The following PEAK1 variants were observed in gnomAD, a reference collection of about 807,000 sequenced individuals.
The protein encoded by PEAK1 is inactive tyrosine-protein kinase PEAK1.
PEAK1 carries 54 observed loss-of-function variants against 124.7 expected under a neutral mutation model. That is an observed-to-expected ratio of 0.43 (90% CI 0.35 to 0.54). The LOEUF is 0.54. Ranked by LOEUF, PEAK1 falls within the 20% of genes least tolerant of loss-of-function variation. The probability of loss-of-function intolerance (pLI) is 0.01; values close to 1 mark genes in which losing one functional copy is unlikely to be tolerated. For missense variants in PEAK1, 2,046 were observed against 2,134.5 expected (o/e 0.96, Z 0.82); for synonymous variants, 719 against 760.0 (o/e 0.95, Z 0.89).
chr15:77,291,909 G>A (rs1447283601), intron 2 of PEAK1, among the ~76,000 whole-genome samples: 1 of 151,384 alleles, frequency 6.6e-6, no homozygotes, highest in Non-Finnish European at 1.5e-5. Context: ...CCCAGGAGGC[G>A]GAGCTTGCAG....
intron 1 of PEAK1, chr15:77,418,627 G>A: frequency 2.0e-6 from 2 of 985,318 alleles, no homozygotes; most frequent in Non-Finnish European, 2.4e-6. Flanking sequence ...AGGCAAGTCA[G>A]AAAGTAATTA....
At position 77,181,244 on chromosome 15, in the gene PEAK1, G is replaced by A; in HGVS notation, c.683C>T (p.Pro228Leu). The A allele has an allele frequency of 6.2e-7, 1 of 1,613,832 alleles. No individual in the cohort carries two copies. Among genetic ancestry groups the A allele is most frequent in the Non-Finnish European group, 8.5e-7 (1 of 1,180,000 alleles). The change falls in exon 7 of 10, where the codon CCA becomes CTA. Residue 228 changes from proline (P) to leucine (L), a missense_variant. Pro to Leu is a moderately conservative substitution (Grantham distance 98). Coordinates refer to ENST00000682557, the MANE Select transcript of PEAK1 (RefSeq NM_001385026.1). ...ISNEGGRFCY[P>L]EFSSGEESEE... ...ACTCTCCTCGCCACTGGAAAACTCTGGGTAACAGAACCGGCCCCCTTCATT... is the reference window on the plus strand; with the variant it reads ...ACTCTCCTCGCCACTGGAAAACTCTAGGTAACAGAACCGGCCCCCTTCATT...
chr15:77,347,307 A>G, intron 2 of PEAK1: 8 of 985,126 alleles, frequency 8.1e-6, no homozygotes, highest in Non-Finnish European at 9.6e-6. Flanking sequence ...ACTAGTAATG[A>G]CCACCAGGAA....
chr15:77,255,290 T>G, intron 5 of PEAK1: 1 of 773,974 alleles, frequency 1.3e-6, no homozygotes, highest in South Asian at 5.9e-5. Flanking sequence ...GAAATAACAA[T>G]TATTTAAAAT....
intron 1 of PEAK1, chr15:77,402,168 G>GAAAAAAAA: frequency 7.0e-5 from 60 of 861,824 alleles, no homozygotes; most frequent in South Asian, 1.6e-4. Context: ...CTCCACCTCG[G>GAAAAAAAA]AAAAAAAAAA....
chr15:77,132,631 G>A (rs1192404778), intron 9 of PEAK1, among the ~76,000 whole-genome samples: 6 of 148,934 alleles, frequency 4.0e-5, no homozygotes, highest in Non-Finnish European at 5.9e-5. Context: ...GGAGGCGGAG[G>A]TTGCAGTGAG....
chr15:77,351,602 C>T (rs924118470), intron 2 of PEAK1: 14 of 614,748 alleles, frequency 2.3e-5, no homozygotes, highest in Non-Finnish European at 2.8e-5. Context: ...TATGCTCAGG[C>T]CCACTCCCAC....
intron 5 of PEAK1, among the ~76,000 whole-genome samples, chr15:77,281,940 T>C (rs2062696668): frequency 6.6e-6 from 1 of 152,212 alleles, no homozygotes; most frequent in African/African-American, 2.4e-5. Context: ...AATCAACCCA[T>C]TTAATTCTTT....
Position 77,129,868 on chromosome 15 carries a change from A to C in PEAK1, c.4077+3137T>G, listed in dbSNP as rs371896501. 1.3e-4 allele frequency among the ~76,000 whole-genome samples: 20 copies of C among 152,316 alleles called. No individual in the cohort carries two copies. The East Asian group carries it at 2.7e-3, about 21-fold the overall frequency. On this transcript the variant is annotated intron_variant, in intron 9 of 9. Coordinates refer to ENST00000682557, the MANE Select transcript of PEAK1 (RefSeq NM_001385026.1). ...AAGGGAATTTAAGAAGATAAACAGA[A>C]AAAGTTGTTTGTGTGGGCCAACTGT...
At chr15:77,344,393 C>T (rs916607874) in intron 2 of PEAK1, among the ~76,000 whole-genome samples, 3 of 152,262 alleles carry the variant, frequency 2.0e-5, no homozygotes, top group African/African-American at 4.8e-5. Flanking sequence ...CACGCCTGGC[C>T]GGCTGTCTGT....
chr15:77,294,114 T>C (rs2063363643), intron 2 of PEAK1, among the ~76,000 whole-genome samples: 1 of 152,166 alleles, frequency 6.6e-6, no homozygotes, highest in Non-Finnish European at 1.5e-5. Context: ...CTCAGCAAAT[T>C]TGGCCTATAT....
chr15:77,336,406 T>C (rs2066204157), intron 2 of PEAK1: 1 of 985,218 alleles, frequency 1.0e-6, no homozygotes, highest in Admixed American at 6.2e-5. Context: ...CACTCAGGAG[T>C]CCCTTCTGAG....
chr15:77,202,477 T>C (rs1273569017), intron 6 of PEAK1, among the ~76,000 whole-genome samples: 2 of 151,886 alleles, frequency 1.3e-5, no homozygotes, highest in African/African-American at 4.8e-5. Context: ...GAAAATCATC[T>C]TTGGGGCTGG....
intron 1 of PEAK1, chr15:77,418,532 G>A: frequency 2.0e-6 from 2 of 985,022 alleles, no homozygotes; most frequent in Non-Finnish European, 2.4e-6. Flanking sequence ...TCTGGGCTGA[G>A]GCTATAACCC....
rs774709313 is a variant in PEAK1, at chr15:77,158,351, CG to C, written c.3331+151del. On this transcript the variant is annotated intron_variant, in intron 8 of 9. Transcript: ENST00000682557. Reference sequence around the variant, plus strand: ...AATACATGCCTAGTAAACATCAGAACGTTTTTCTGATGTGACTTAAAATTTG... The same window carrying C: ...AATACATGCCTAGTAAACATCAGAACTTTTTCTGATGTGACTTAAAATTTG... 64 of 683,608 alleles carry C rather than the reference CG, an allele frequency of 9.4e-5. 1 individual carries two copies. The highest frequency in any genetic ancestry group is 9.6e-5 in the Non-Finnish European group (39 of 407,926). 42.3% of individuals were successfully genotyped at this position (683,608 alleles called of 1,614,324 possible). A position where few individuals can be genotyped will look rare whatever the true frequency, so the allele number is the denominator to read the frequency against.
intron 2 of PEAK1, chr15:77,352,439 C>T (rs1159075452): frequency 1.5e-5 from 15 of 984,992 alleles, no homozygotes; most frequent in East Asian, 1.1e-4. Flanking sequence ...CACCACTAGG[C>T]CTGAAGGGGA....
chr15:77,282,529 A>T (rs1343583247), intron 5 of PEAK1, among the ~76,000 whole-genome samples: 2 of 152,220 alleles, frequency 1.3e-5, no homozygotes, highest in Non-Finnish European at 2.9e-5. Flanking sequence ...TGCTTTAATA[A>T]GAATGGGACA....
intron 1 of PEAK1, among the ~76,000 whole-genome samples, chr15:77,374,234 G>A (rs1229622518): frequency 6.6e-6 from 1 of 152,114 alleles, no homozygotes; most frequent in Admixed American, 6.5e-5. Flanking sequence ...AGAATGAGAA[G>A]AGTCAGTTAA....
chr15:77,272,661 G>C (rs1299290496), intron 5 of PEAK1, among the ~76,000 whole-genome samples: 1 of 152,080 alleles, frequency 6.6e-6, no homozygotes, highest in Non-Finnish European at 1.5e-5. Context: ...TGGATTCACA[G>C]CTGAATTCTA....
Sources: allele counts gnomAD v4.1 joint callset (sites outside exome capture counted in the v4.1 genomes callset), GRCh38; gene constraint gnomAD v4.1.1; transcripts MANE v1.5; gene names NCBI Gene and HGNC (gene_info 2026-07-23, HGNC 2026-07-21).